Variants in ACOT9 observed in about 807,000 individuals in gnomAD.
The protein encoded by ACOT9 is acyl-coenzyme A thioesterase 9, mitochondrial.
Under a neutral mutation model 39.7 loss-of-function variants are expected in ACOT9, and 34 were observed. That is an observed-to-expected ratio of 0.86 (90% CI 0.65 to 1.14). The LOEUF (loss-of-function observed/expected upper bound fraction) is 1.14. Among genes scored for constraint, ACOT9 ranks in the 50% most tolerant of loss-of-function variants. The pLI is 0.00. For synonymous variants in ACOT9, 110 were observed against 120.5 expected (o/e 0.91, Z 0.57); for missense variants, 313 against 344.1 (o/e 0.91, Z 0.71).
intron 9 of ACOT9, among the ~76,000 whole-genome samples, chrX:23,709,538 G>C (rs966962169): frequency 4.4e-5 from 5 of 112,432 alleles, no homozygotes; most frequent in African/African-American, 1.6e-4. Context: ...GGGGCTGGCA[G>C]GAAGGGCCAG....
intron 4 of ACOT9, among the ~76,000 whole-genome samples, chrX:23,731,674 T>C (rs1354789222): frequency 9.1e-6 from 1 of 109,759 alleles, no homozygotes; most frequent in Non-Finnish European, 1.9e-5. Flanking sequence ...CTACTTTATA[T>C]TCCCATTTCT....
chrX:23,743,276 C>T lies in ACOT9; in HGVS notation c.-132G>A, dbSNP rs1416132274. The T allele has an allele frequency of 2.0e-5, 17 of 840,347 alleles. No homozygotes were observed. The highest frequency in any genetic ancestry group is 1.3e-4 in the Admixed American group (3 of 22,801). 69.3% of individuals were successfully genotyped at this position (840,347 alleles called of 1,213,427 possible). Reference sequence around the variant, plus strand: ...TGAGGACAGCCCGGGAGCCGGACAGCGGTGTCCGGGGGCGGGACCGCGGCG... The same window carrying T: ...TGAGGACAGCCCGGGAGCCGGACAGTGGTGTCCGGGGGCGGGACCGCGGCG... On this transcript the variant is annotated 5_prime_UTR_variant, in exon 1 of 16. Coordinates refer to ENST00000379303, the MANE Select transcript of ACOT9 (RefSeq NM_001037171.2).
intron 8 of ACOT9, among the ~76,000 whole-genome samples, chrX:23,720,562 A>G (rs1321854326): frequency 2.7e-5 from 3 of 111,595 alleles, no homozygotes; most frequent in South Asian, 7.5e-4. Flanking sequence ...GAAGTGCTAC[A>G]GCTGGAAGCC....
Position 23,701,706 on chromosome X carries a change from T to C in ACOT9, c.*2188A>G, listed in dbSNP as rs775651350. Among the ~76,000 whole-genome samples the C allele has an allele frequency of 3.6e-5, 4 of 111,111 alleles. No individual in the cohort carries two copies. The highest frequency in any genetic ancestry group is 6.5e-5 in the African/African-American group (2 of 30,652). ...AGGCTGGTCTCAAGCGATCCTCCCA[T>C]CTCAGTCTCCCAAAGTGCTGGGATT... On this transcript the variant is annotated 3_prime_UTR_variant, in exon 16 of 16. Coordinates refer to ENST00000379303, the MANE Select transcript of ACOT9 (RefSeq NM_001037171.2).
intron 9 of ACOT9, among the ~76,000 whole-genome samples, chrX:23,708,598 G>A (rs975343179): frequency 9.2e-6 from 1 of 109,232 alleles, no homozygotes; most frequent in East Asian, 2.8e-4. Context: ...ATCAATTTTT[G>A]AAAGACAGCA....
chrX:23,704,476 A>G (rs965988773), intron 15 of ACOT9, among the ~76,000 whole-genome samples: 2 of 108,792 alleles, frequency 1.8e-5, no homozygotes, highest in Non-Finnish European at 3.8e-5. Flanking sequence ...CACCACGCCC[A>G]GCCTGGCTGG....
chrX:23,721,644 A>G (rs17347621), intron 8 of ACOT9, among the ~76,000 whole-genome samples: 15,059 of 111,011 alleles, frequency 0.14, 959 homozygotes, highest in East Asian at 0.35. Flanking sequence ...ACACCTTAAC[A>G]TGGACTTGTA....
chrX:23,743,032 C>T, intron 1 of ACOT9, 93 bp downstream of exon 1: 1 of 1,039,750 alleles, frequency 9.6e-7, no homozygotes, highest in Non-Finnish European at 1.3e-6. Flanking sequence ...GCGTGGCCCA[C>T]TTCTTCCGCC....
At chrX:23,726,233 A>C (rs753873891) in intron 6 of ACOT9, among the ~76,000 whole-genome samples, 1 of 111,775 alleles carries the variant, frequency 8.9e-6, no homozygotes, top group Admixed American at 9.6e-5. Flanking sequence ...AAAATAAAAT[A>C]AATTCAAAAA....
chrX:23,709,939 G>A (rs534623705), intron 9 of ACOT9, among the ~76,000 whole-genome samples: 2 of 112,122 alleles, frequency 1.8e-5, no homozygotes, highest in South Asian at 3.7e-4. Context: ...CCAGGCTGGC[G>A]TGCAGTGGTG....
intron 11 of ACOT9, 82 bp downstream of exon 11, chrX:23,706,546 G>A (rs473128): frequency 0.34 from 198,025 of 574,880 alleles, 28,271 homozygotes; most frequent in Admixed American, 0.64. Context: ...TAACAAGAGC[G>A]AAACTCCGTC....
chrX:23,705,631 T>G, intron 12 of ACOT9, 37 bp from the exon 13 acceptor site: 2 of 1,162,320 alleles, frequency 1.7e-6, no homozygotes, highest in Non-Finnish European at 2.3e-6. Flanking sequence ...AATACAAAAC[T>G]TATGGCCACC....
chrX:23,720,015 A>C (rs1929251959), intron 8 of ACOT9, among the ~76,000 whole-genome samples: 1 of 111,298 alleles, frequency 9.0e-6, no homozygotes, highest in Non-Finnish European at 1.9e-5. Context: ...TTTTATTTTT[A>C]GTAGAGACAG....
chrX:23,730,610 C>T lies in ACOT9; in HGVS notation c.363-46G>A, dbSNP rs769424712. Reference sequence around the variant, plus strand: ...TGAATTAAATGCAAATCATGTTGGTCTCCCTTTAAAAATAAATAACACACT... The same window carrying T: ...TGAATTAAATGCAAATCATGTTGGTTTCCCTTTAAAAATAAATAACACACT... On this transcript the variant is annotated intron_variant, in intron 5 of 15. Coordinates refer to ENST00000379303, the MANE Select transcript of ACOT9 (RefSeq NM_001037171.2). The T allele has an allele frequency of 1.1e-4, 128 of 1,141,739 alleles. No homozygotes were observed. In the South Asian group the frequency reaches 2.1e-3, roughly 18 times the overall value. 94.1% of individuals were successfully genotyped at this position (1,141,739 alleles called of 1,213,427 possible). A position where few individuals can be genotyped will look rare whatever the true frequency, so the allele number is the denominator to read the frequency against.
chrX:23,733,046 T>C (rs1601820717), intron 4 of ACOT9, 126 bp downstream of exon 4: 2 of 578,354 alleles, frequency 3.5e-6, no homozygotes, highest in East Asian at 7.2e-5. Context: ...CCAAGCAAAA[T>C]ACTTCTCAAC....
intron 10 of ACOT9, 51 bp downstream of exon 10, chrX:23,707,826 C>A: frequency 1.1e-6 from 1 of 925,528 alleles, no homozygotes. Context: ...TCTTCTGCAG[C>A]GTAATTAATG....
At chrX:23,704,612 T>C in intron 15 of ACOT9, 82 bp downstream of exon 15, 1 of 1,054,519 alleles carries the variant, frequency 9.5e-7, no homozygotes, top group African/African-American at 1.8e-5. Flanking sequence ...CAGGCATCAA[T>C]ACACTTCCTC....
intron 15 of ACOT9, 72 bp downstream of exon 15, chrX:23,704,622 C>G: frequency 1.8e-6 from 2 of 1,090,998 alleles, no homozygotes; most frequent in Non-Finnish European, 1.3e-6. Flanking sequence ...TACACTTCCT[C>G]CAATTCAAAA....
chrX:23,737,285 C>A (rs1312084011), intron 1 of ACOT9, among the ~76,000 whole-genome samples: 7 of 110,905 alleles, frequency 6.3e-5, no homozygotes, highest in Non-Finnish European at 1.3e-4. Context: ...TATACTCCAG[C>A]CTGGGCAACA....
Sources: gnomAD v4.1 joint callset for allele counts (sites outside exome capture counted in the v4.1 genomes callset) on GRCh38, gnomAD v4.1.1 for gene constraint, MANE v1.5 for transcripts, NCBI Gene and HGNC (gene_info 2026-07-23, HGNC 2026-07-21) for gene names.